The following PITRM1 variants were observed in gnomAD, a reference collection of about 807,000 sequenced individuals.
PITRM1 encodes the protein pitrilysin metallopeptidase 1.
Under a neutral mutation model 129.9 loss-of-function variants are expected in PITRM1, and 100 were observed. The observed-to-expected ratio is 0.77, with a 90% confidence interval of 0.65 to 0.91. The LOEUF (loss-of-function observed/expected upper bound fraction) is 0.91. Among genes scored for constraint, PITRM1 ranks in the 40% least tolerant of loss-of-function variants. PITRM1 has a pLI of 0.00. For synonymous variants in PITRM1, 591 were observed against 508.8 expected, an observed-to-expected ratio of 1.16 and a Z score of -2.17; for missense variants, 1,471 against 1,318.3, an observed-to-expected ratio of 1.12 and a Z score of -1.79.
chr10:3,142,545 T>C lies in PITRM1; in HGVS notation c.2645+844A>G, dbSNP rs554846043. Among the ~76,000 whole-genome samples, 32 of 152,378 alleles carry C rather than the reference T, an allele frequency of 2.1e-4. 1 individual carries two copies. The East Asian group carries it at 5.8e-3, about 28-fold the overall frequency. On this transcript the variant is annotated intron_variant, in intron 23 of 26. Coordinates refer to ENST00000224949, the MANE Select transcript of PITRM1 (RefSeq NM_014889.4). The stretch of plus-strand genomic sequence containing the variant: ...ACTGACGGGTCCCCAAAGGTGCACG[T>C]CTGTGAGTCTGTCCTGGTCTGGCCA...
chr10:3,172,525 A>G (rs1843472913), intron 1 of PITRM1, among the ~76,000 whole-genome samples, 192 bp downstream of exon 1: 1 of 152,090 alleles, frequency 6.6e-6, no homozygotes, highest in Non-Finnish European at 1.5e-5. Flanking sequence ...AGTAGGAAGG[A>G]GCTCCGAGGT....
chr10:3,149,529 A>G (rs1354259422), intron 16 of PITRM1, 92 bp downstream of exon 16: 17 of 1,277,094 alleles, frequency 1.3e-5, no homozygotes, highest in Non-Finnish European at 1.7e-5. Flanking sequence ...GTTGTGATTC[A>G]CTGAAGGTAA....
chr10:3,163,656 A>G (rs1358194902), intron 7 of PITRM1, 69 bp downstream of exon 7: 6 of 1,282,836 alleles, frequency 4.7e-6, no homozygotes, highest in Non-Finnish European at 5.4e-6. Flanking sequence ...GCCATGCCAT[A>G]AACTGTTAAG....
intron 1 of PITRM1, among the ~76,000 whole-genome samples, chr10:3,171,183 A>AAAAAAAAAAAAAAC (rs1843323485): frequency 6.8e-6 from 1 of 146,506 alleles, no homozygotes; most frequent in Non-Finnish European, 1.5e-5. Context: ...AAAAAAAAAA[A>AAAAAAAAAAAAAAC]ACCTTACCAA....
Position 3,137,995 on chromosome 10 carries a change from G to A in PITRM1, c.*36C>T. ...TTCATATTCAGCTCGGAGGTGTATT[G>A]TCTCGGGCTCCTGTGCAGTCGAGCG... is the stretch of plus-strand genomic sequence containing the variant. On this transcript the variant is annotated 3_prime_UTR_variant, in exon 27 of 27. Transcript: ENST00000224949. The A allele has an allele frequency of 8.1e-7, 1 of 1,229,624 alleles. No individual in the cohort carries two copies. Among genetic ancestry groups the A allele is most frequent in the Non-Finnish European group, 1.2e-6 (1 of 846,226 alleles). 76.2% of individuals were successfully genotyped at this position (1,229,624 alleles called of 1,614,324 possible). A position where few individuals can be genotyped will look rare whatever the true frequency, so the allele number is the denominator to read the frequency against.
rs534896908 is a variant in PITRM1, at chr10:3,147,186, C to G, written c.2300G>C (p.Arg767Pro). The G allele has an allele frequency of 1.9e-6, 3 of 1,605,622 alleles. No homozygotes were observed. The South Asian group carries it at 3.3e-5, about 18-fold the overall frequency. ...ACCATTTAACAAGTGTTTCTTGATA[C>G]GCGGGAGCTTCCTCAGGATGGGTTT... ...DIKPILRKLP[R>P]IKKHLLNGDN... Residue 767 changes from arginine to proline, a missense_variant, in exon 20 of 27, where the codon CGT becomes CCT. Transcript: ENST00000224949.
chr10:3,171,147 T>TAAAAAAAAAAAAAAA (rs1169315061), intron 1 of PITRM1, among the ~76,000 whole-genome samples: 1 of 49,202 alleles, frequency 2.0e-5, no homozygotes. Flanking sequence ...ATCGTTCAAT[T>TAAAAAAAAAAAAAAA]AAAAAAAAAA....
At position 3,166,331 on chromosome 10, in the gene PITRM1, G is replaced by T; in HGVS notation, c.316C>A (p.Leu106Ile). ...GACCCACAAAGGACGGTATGCTCAAGAATGTGAGGAACACCAGTACTGTCC... is the reference window on the plus strand; with the variant it reads ...GACCCACAAAGGACGGTATGCTCAATAATGTGAGGAACACCAGTACTGTCC... Reference protein sequence around the residue: ...PMDSTGVPHILEHTVLCGSQK... With the variant: ...PMDSTGVPHIIEHTVLCGSQK... Residue 106 changes from leucine to isoleucine, a missense_variant, in exon 4 of 27, where the codon CTT becomes ATT. Transcript: ENST00000224949. 6.4e-7 allele frequency: 1 copy of T among 1,561,712 alleles called. No individual in the cohort carries two copies. The highest frequency in any genetic ancestry group is 1.1e-5 in the South Asian group (1 of 88,888).
Position 3,138,220 on chromosome 10 carries a change from C to T in PITRM1, c.3020+15G>A, listed in dbSNP as rs558498596. On this transcript the variant is annotated intron_variant, in intron 26 of 26. Coordinates refer to ENST00000224949, the MANE Select transcript of PITRM1 (RefSeq NM_014889.4). Reference sequence around the variant, plus strand: ...CTTCCAGTCCCAGACGCTGTCTCCCCCGCTCCCCACTCACCTATCGCTCAC... The same window carrying T: ...CTTCCAGTCCCAGACGCTGTCTCCCTCGCTCCCCACTCACCTATCGCTCAC... 5.6e-6 allele frequency: 9 copies of T among 1,605,446 alleles called. No homozygotes were observed. In the East Asian group the frequency reaches 6.7e-5, roughly 12 times the overall value.
Position 3,165,478 on chromosome 10 carries a change from A to G in PITRM1, c.468T>C (p.Phe156=), listed in dbSNP as rs1842785672. Residue 156 remains phenylalanine, a synonymous_variant, in exon 5 of 27, where the codon TTT becomes TTC. Transcript: ENST00000224949. ...CCAAATACACCGAGAGGAGATTCTG[A>G]AAGTCCTTGGGATTTTGTGTGGAAA... The part of the protein sequence containing the change: ...YPFSTQNPKD[F]QNLLSVYLDA... 1.2e-6 allele frequency: 2 copies of G among 1,613,700 alleles called. No homozygotes were observed. The highest frequency in any genetic ancestry group is 1.7e-6 in the Non-Finnish European group (2 of 1,179,702).
Position 3,140,771 on chromosome 10 carries a change from T to C in PITRM1, c.2687A>G (p.His896Arg), listed in dbSNP as rs1214951565. The C allele has an allele frequency of 6.3e-7, 1 of 1,592,552 alleles. No homozygotes were observed. Reference sequence around the variant, plus strand: ...ACCGCCTTTTTCTCGAATTTCTGTATGCAAGAATTTGGCAGTCATCAAACG... The same window carrying C: ...ACCGCCTTTTTCTCGAATTTCTGTACGCAAGAATTTGGCAGTCATCAAACG... ...LARLMTAKFL[H>R]TEIREKGGAY... Residue 896 changes from histidine to arginine, a missense_variant, in exon 24 of 27, where the codon CAT becomes CGT. By Grantham distance (29) the His-to-Arg change is conservative. Coordinates refer to ENST00000224949, the MANE Select transcript of PITRM1 (RefSeq NM_014889.4).
intron 7 of PITRM1, among the ~76,000 whole-genome samples, chr10:3,161,450 G>T (rs1296250787): frequency 6.6e-6 from 1 of 152,140 alleles, no homozygotes; most frequent in Non-Finnish European, 1.5e-5. Flanking sequence ...TTAAGGTTTG[G>T]GAAACTAGTA....
intron 2 of PITRM1, among the ~76,000 whole-genome samples, chr10:3,169,659 C>A (rs1843176565): frequency 6.6e-6 from 1 of 152,158 alleles, no homozygotes; most frequent in Non-Finnish European, 1.5e-5. Context: ...CAAGTAAGTA[C>A]AGGTCCACAA....
At chr10:3,165,029 G>C (rs528423328) in intron 6 of PITRM1, among the ~76,000 whole-genome samples, 1 of 152,308 alleles carries the variant, frequency 6.6e-6, no homozygotes, top group Admixed American at 6.5e-5. Flanking sequence ...CATACCAGGG[G>C]TCCCCAGACA....
At chr10:3,164,301 C>T (rs549743144) in intron 6 of PITRM1, 1 of 153,696 alleles carries the variant, frequency 6.5e-6, no homozygotes, top group East Asian at 1.9e-4. Flanking sequence ...AAATAGTTCA[C>T]CAGCCGAGAG....
intron 23 of PITRM1, among the ~76,000 whole-genome samples, chr10:3,142,326 C>T (rs553842827): frequency 6.6e-6 from 1 of 152,246 alleles, no homozygotes; most frequent in Non-Finnish European, 1.5e-5. Context: ...CCCTCTGTGA[C>T]ACACGTGCAC....
chr10:3,140,806 T>C lies in PITRM1; in HGVS notation c.2652A>G (p.Lys884=), dbSNP rs1025762064. Residue 884 remains lysine (K), a synonymous_variant, in exon 24 of 27, where the codon AAA becomes AAG. Transcript: ENST00000224949. The part of the protein sequence containing the change: ...PYTDPDHASL[K]ILARLMTAKF... ...TGGCAGTCATCAAACGTGCAAGGAT[T>C]TTAAGACTGAAATGATTAAAAAATG... 3.2e-6 allele frequency: 5 copies of C among 1,580,584 alleles called. No homozygotes were observed. In the East Asian group the frequency reaches 1.1e-4, roughly 36 times the overall value.
At chr10:3,157,763 G>A (rs1201421049) in intron 11 of PITRM1, among the ~76,000 whole-genome samples, 4 of 152,218 alleles carry the variant, frequency 2.6e-5, no homozygotes, top group Non-Finnish European at 5.9e-5. Flanking sequence ...CCTGAGCCTG[G>A]TAGGGGAGGA....
Position 3,149,608 on chromosome 10 carries a change from T to G in PITRM1, c.1871+13A>C. On this transcript the variant is annotated intron_variant, in intron 16 of 26. Transcript: ENST00000224949. ...CATTAATAAGACACACAAGGGTATGTTGCGACTCGTACTTGGTGAGGACGC... is the reference window on the plus strand; with the variant it reads ...CATTAATAAGACACACAAGGGTATGGTGCGACTCGTACTTGGTGAGGACGC... 2 of 1,542,014 alleles carry G rather than the reference T, an allele frequency of 1.3e-6. No individual in the cohort carries two copies. Among genetic ancestry groups the G allele is most frequent in the Non-Finnish European group, 1.7e-6 (2 of 1,147,956 alleles).
Sources: gnomAD v4.1 joint callset for allele counts (sites outside exome capture counted in the v4.1 genomes callset) on GRCh38, gnomAD v4.1.1 for gene constraint, MANE v1.5 for transcripts, NCBI Gene and HGNC (gene_info 2026-07-23, HGNC 2026-07-21) for gene names.